The following CABP1 variants were observed in gnomAD, a reference collection of about 807,000 sequenced individuals.
CABP1 encodes the protein calcium binding protein 1.
Under a neutral mutation model 34.3 loss-of-function variants are expected in CABP1, and 17 were observed. That is an observed-to-expected ratio of 0.50 (90% CI 0.34 to 0.74). CABP1 has a LOEUF of 0.74. CABP1 is among the 30% of genes least tolerant of loss of function. The pLI, the probability that CABP1 is intolerant of heterozygous loss-of-function variation, is 0.01. For missense variants in CABP1, 373 were observed against 511.1 expected (o/e 0.73, Z 2.61); for synonymous variants, 198 against 229.2 (o/e 0.86, Z 1.23).
chr12:120,650,381 A>T, intron 1 of CABP1: 2 of 1,001,456 alleles, frequency 2.0e-6, no homozygotes, highest in African/African-American at 1.6e-5. Flanking sequence ...TCATCTCCTT[A>T]AGAAAGTGCC....
intron 1 of CABP1, chr12:120,655,955 C>T (rs746532714): frequency 4.0e-5 from 62 of 1,542,032 alleles, no homozygotes; most frequent in Admixed American, 5.9e-5. Context: ...TGCCTGTGCA[C>T]GCTCAGGGCT....
chr12:120,660,978 G>A lies in CABP1; in HGVS notation c.940-93G>A, dbSNP rs144867541. Reference sequence around the variant, plus strand: ...CAGAGAAAGGTCTCTGGTAAAGGGGGGCAATGACACTGGAGAAGGAGCTCA... The same window carrying A: ...CAGAGAAAGGTCTCTGGTAAAGGGGAGCAATGACACTGGAGAAGGAGCTCA... On this transcript the variant is annotated intron_variant, in intron 4 of 5. Transcript: ENST00000316803. The surrounding 1 kb of genome is among the most constrained non-coding windows in gnomAD (Gnocchi z 5.0). 5.8e-5 allele frequency: 85 copies of A among 1,469,076 alleles called. 1 individual carries two copies. The African/African-American group carries it at 1.1e-3, about 19-fold the overall frequency. 91.0% of individuals were successfully genotyped at this position (1,469,076 alleles called of 1,614,324 possible).
At chr12:120,652,903 T>C (rs1214345938) in intron 1 of CABP1, among the ~76,000 whole-genome samples, 1 of 152,116 alleles carries the variant, frequency 6.6e-6, no homozygotes, top group African/African-American at 2.4e-5. Flanking sequence ...GCTGCCCACT[T>C]GGCTTCCTGA....
intron 1 of CABP1, among the ~76,000 whole-genome samples, chr12:120,657,151 A>G (rs555428091): frequency 7.9e-5 from 12 of 152,328 alleles, no homozygotes; most frequent in African/African-American, 2.9e-4. Context: ...GGCTAGTGCA[A>G]CTAAGGAACT....
At chr12:120,652,503 G>A (rs1050897407) in intron 1 of CABP1, among the ~76,000 whole-genome samples, 1 of 152,116 alleles carries the variant, frequency 6.6e-6, no homozygotes, top group Middle Eastern at 3.2e-3. Flanking sequence ...TTACACAGTC[G>A]ATAGGAAGCA....
chr12:120,655,855 A>G (rs550447753), intron 1 of CABP1: 10 of 1,532,560 alleles, frequency 6.5e-6, no homozygotes, highest in African/African-American at 1.4e-5. Context: ...GTGTGTGCGC[A>G]TGTGCCACAC....
At chr12:120,678,873 A>C in the CABP1 span, among the ~76,000 whole-genome samples, 1 of 152,172 alleles carries the variant, frequency 6.6e-6, no homozygotes, top group South Asian at 2.1e-4. Context: ...CAGGGGTTCG[A>C]GACCAGCCTG....
At chr12:120,666,783 G>A (rs1881018249) in intron 5 of CABP1, 92 bp from the exon 6 acceptor site, 7 of 1,364,986 alleles carry the variant, frequency 5.1e-6, no homozygotes, top group Middle Eastern at 1.8e-4. Flanking sequence ...GCACAGAGTT[G>A]GGGCAGTGGC....
At chr12:120,679,892 G>C in the CABP1 span, among the ~76,000 whole-genome samples, 8 of 151,940 alleles carry the variant, frequency 5.3e-5, no homozygotes, top group Non-Finnish European at 1.0e-4. Context: ...GTCTCTTCTG[G>C]CCAGCATGGT....
intron 1 of CABP1, among the ~76,000 whole-genome samples, chr12:120,643,606 T>C (rs918886902): frequency 6.6e-6 from 1 of 152,212 alleles, no homozygotes; most frequent in Non-Finnish European, 1.5e-5. Context: ...AAAAAATATA[T>C]TTTATAATAG....
At chr12:120,656,368 C>T in intron 1 of CABP1, 2 of 1,208,506 alleles carry the variant, frequency 1.7e-6, no homozygotes, top group Admixed American at 6.0e-5. Context: ...AGCTCACACC[C>T]CCAACTTATG....
the CABP1 span, among the ~76,000 whole-genome samples, chr12:120,675,122 G>A: frequency 6.6e-6 from 1 of 150,882 alleles, no homozygotes; most frequent in Non-Finnish European, 1.5e-5. Context: ...GTGTGATCTC[G>A]GCTCACTGCA....
chr12:120,675,420 A>C, the CABP1 span, among the ~76,000 whole-genome samples: 1 of 152,218 alleles, frequency 6.6e-6, no homozygotes, highest in Non-Finnish European at 1.5e-5. Context: ...TAACCCTTGC[A>C]TAATGCTTAG....
the CABP1 span, among the ~76,000 whole-genome samples, chr12:120,679,695 C>T: frequency 1.3e-5 from 2 of 151,844 alleles, no homozygotes; most frequent in Non-Finnish European, 2.9e-5. Flanking sequence ...GGCATGGTGG[C>T]GCATGCCTGT....
intron 1 of CABP1, among the ~76,000 whole-genome samples, chr12:120,658,744 C>A (rs138746113): frequency 6.6e-6 from 1 of 152,200 alleles, no homozygotes; most frequent in South Asian, 2.1e-4. Context: ...AGGTGCCACA[C>A]GCTCACTGTG....
Position 120,660,072 on chromosome 12 carries a change from C to T in CABP1, c.686-124C>T. On this transcript the variant is annotated intron_variant, in intron 2 of 5. Coordinates refer to ENST00000316803, the MANE Select transcript of CABP1 (RefSeq NM_001033677.2). The surrounding 1 kb of genome is among the most constrained non-coding windows in gnomAD (Gnocchi z 5.0). ...GTGTGCACAGGAGGCAAGAGAAATG[C>T]CCCAGCATCCTGGGAAGCTCCTGGG... 7.3e-7 allele frequency: 1 copy of T among 1,370,872 alleles called. No homozygotes were observed. 84.9% of individuals were successfully genotyped at this position (1,370,872 alleles called of 1,614,324 possible). A position where few individuals can be genotyped will look rare whatever the true frequency, so the allele number is the denominator to read the frequency against.
Position 120,641,663 on chromosome 12 carries a change from C to G in CABP1, c.654+324C>G, listed in dbSNP as rs1483506748. 8.1e-6 allele frequency: 2 copies of G among 247,520 alleles called. No homozygotes were observed. Among genetic ancestry groups the G allele is most frequent in the Non-Finnish European group, 1.5e-5 (2 of 129,914 alleles). The allele number at this position is 247,520 out of a possible 1,614,324, so 15.3% of individuals were successfully genotyped here. ...GAGATTTGCGGGGGTCAAGGAGGGGCGCTCCGAGCAGGTGGCGCCAAACCC... is the reference window on the plus strand; with the variant it reads ...GAGATTTGCGGGGGTCAAGGAGGGGGGCTCCGAGCAGGTGGCGCCAAACCC... On this transcript the variant is annotated intron_variant, in intron 1 of 5. Coordinates refer to ENST00000316803, the MANE Select transcript of CABP1 (RefSeq NM_001033677.2). This position sits in a 1 kb window ranked among gnomAD's most constrained non-coding sequence, Gnocchi z 6.7.
At position 120,660,373 on chromosome 12, in the gene CABP1, G is replaced by C. The variant is rs377452593; in HGVS notation, c.829+34G>C. The C allele has an allele frequency of 6.2e-7, 1 of 1,601,870 alleles. No homozygotes were observed. The highest frequency in any genetic ancestry group is 8.5e-7 in the Non-Finnish European group (1 of 1,175,698). On this transcript the variant is annotated intron_variant, in intron 3 of 5. Transcript: ENST00000316803. The surrounding 1 kb of genome is among the most constrained non-coding windows in gnomAD (Gnocchi z 5.0). ...CTCTACCAGGCATCTGCGTCCCTTCGGTCCTCACCCTTGCCGTCCTCTGCA... is the reference window on the plus strand; with the variant it reads ...CTCTACCAGGCATCTGCGTCCCTTCCGTCCTCACCCTTGCCGTCCTCTGCA...
chr12:120,648,976 G>A (rs1210539692), intron 1 of CABP1, among the ~76,000 whole-genome samples: 1 of 151,816 alleles, frequency 6.6e-6, no homozygotes, highest in Non-Finnish European at 1.5e-5. Flanking sequence ...GCCTGGGCCT[G>A]CTTCCTTCAT....
Sources: gnomAD v4.1 joint callset for allele counts (sites outside exome capture counted in the v4.1 genomes callset) on GRCh38, gnomAD v4.1.1 for gene constraint, Gnocchi (gnomAD v3.1) non-coding constraint, MANE v1.5 for transcripts, NCBI Gene and HGNC (gene_info 2026-07-23, HGNC 2026-07-21) for gene names.